FILIP1L: variants seen among roughly 807,000 people sequenced by gnomAD.
FILIP1L encodes filamin A interacting protein 1 like, also known as filamin A-interacting protein 1-like.
Under a neutral mutation model 96.6 loss-of-function variants are expected in FILIP1L, and 55 were observed. The observed-to-expected ratio is 0.57, with a 90% CI of 0.46 to 0.71. FILIP1L has a LOEUF of 0.71. Among genes scored for constraint, FILIP1L ranks in the 30% least tolerant of loss-of-function variants. The probability of loss-of-function intolerance (pLI) is 0.00; values close to 1 mark genes in which losing one functional copy is unlikely to be tolerated. For synonymous variants in FILIP1L, 467 were observed against 473.9 expected, an observed-to-expected ratio of 0.99 and a Z score of 0.19; for missense variants, 1,304 against 1,321.2, an observed-to-expected ratio of 0.99 and a Z score of 0.20.
At chr3:100,072,960 G>A (rs920787392) in intron 1 of FILIP1L, among the ~76,000 whole-genome samples, 5 of 152,298 alleles carry the variant, frequency 3.3e-5, no homozygotes, top group African/African-American at 9.6e-5. Flanking sequence ...AATGATGATA[G>A]CATATGTTTG....
intron 1 of FILIP1L, among the ~76,000 whole-genome samples, chr3:100,063,288 A>T (rs1029646868): frequency 2.0e-5 from 3 of 152,182 alleles, no homozygotes; most frequent in Non-Finnish European, 2.9e-5. Flanking sequence ...TAGAAATAAA[A>T]TTTTAACAGA....
chr3:100,019,279 C>A (rs891626217), intron 1 of FILIP1L, among the ~76,000 whole-genome samples: 1 of 152,120 alleles, frequency 6.6e-6, no homozygotes, highest in African/African-American at 2.4e-5. Context: ...AGGATCTCTT[C>A]AGCCCAGGAG....
intron 1 of FILIP1L, among the ~76,000 whole-genome samples, chr3:99,982,816 C>T (rs1272620526): frequency 6.6e-6 from 1 of 152,126 alleles, no homozygotes. Context: ...GACAATTGAA[C>T]AGCCCAACCC....
intron 1 of FILIP1L, among the ~76,000 whole-genome samples, chr3:100,034,664 C>T (rs571209825): frequency 3.5e-4 from 53 of 152,262 alleles, no homozygotes; most frequent in African/African-American, 1.3e-3. Context: ...TTAGGTAAGA[C>T]AGTGAGTTTA....
chr3:100,022,031 A>G (rs2064835383), intron 1 of FILIP1L, among the ~76,000 whole-genome samples: 1 of 151,484 alleles, frequency 6.6e-6, no homozygotes, highest in East Asian at 1.9e-4. Flanking sequence ...AGTTATACCC[A>G]TTTCCTTTTT....
rs932977160 is a variant in FILIP1L, at chr3:99,849,851, G to T, written c.1825C>A (p.Gln609Lys). 2 of 1,610,566 alleles carry T rather than the reference G, an allele frequency of 1.2e-6. No homozygotes were observed. Among genetic ancestry groups the T allele is most frequent in the African/African-American group, 1.3e-5 (1 of 74,574 alleles). The change falls in exon 5 of 6, where the codon CAA (glutamine) becomes AAA (lysine). Residue 609 changes from glutamine (Q) to lysine (K), a missense_variant. By Grantham distance (53) the Gln-to-Lys change is moderately conservative (BLOSUM62 1). Coordinates refer to ENST00000477258, the MANE Select transcript of FILIP1L (RefSeq NM_001387850.1). ...GCTGTTGTGGATTTCCCAGAGTCTT[G>T]ATTTAATTTGTTTTTTAGGAAATCT... Reference protein sequence around the residue: ...EKDFLKNKLNQDSGKSTTALH... With the variant: ...EKDFLKNKLNKDSGKSTTALH...
At chr3:100,094,851 T>G (rs932049518) in intron 1 of FILIP1L, among the ~76,000 whole-genome samples, 14 of 151,858 alleles carry the variant, frequency 9.2e-5, no homozygotes, top group African/African-American at 3.1e-4. Context: ...ACCTGGCAAT[T>G]TTGTGTGTGT....
intron 1 of FILIP1L, among the ~76,000 whole-genome samples, chr3:100,097,160 C>T (rs771668019): frequency 6.6e-6 from 1 of 152,240 alleles, no homozygotes; most frequent in Non-Finnish European, 1.5e-5. Context: ...ACTGCACATG[C>T]GAGAGATCTA....
chr3:99,851,544 T>C (rs377162956), intron 4 of FILIP1L, among the ~76,000 whole-genome samples: 5 of 152,378 alleles, frequency 3.3e-5, no homozygotes, highest in East Asian at 3.9e-4. Flanking sequence ...TCAGGGGCTT[T>C]TTATGAAAAT....
chr3:99,850,447 C>G lies in FILIP1L; in HGVS notation c.1229G>C (p.Ser410Thr), dbSNP rs752265612. ...TTCAACCTCTAGTTTAAAGTCTTTA[C>G]TCTGTAACGTCTCCCTTTCAAGCCT... ...NKRLERETLQSKDFKLEVEKL... is the reference protein window; with the variant it reads ...NKRLERETLQTKDFKLEVEKL... Residue 410 changes from serine to threonine, a missense_variant, in exon 5 of 6, where the codon AGT becomes ACT. Coordinates refer to ENST00000477258, the MANE Select transcript of FILIP1L (RefSeq NM_001387850.1). 2.5e-6 allele frequency: 4 copies of G among 1,614,024 alleles called. No homozygotes were observed. In the South Asian group the frequency reaches 4.4e-5, roughly 18 times the overall value.
intron 5 of FILIP1L, among the ~76,000 whole-genome samples, chr3:99,842,271 G>A (rs536151474): frequency 4.6e-5 from 7 of 152,274 alleles, no homozygotes; most frequent in African/African-American, 1.4e-4. Flanking sequence ...CTCATAAGGA[G>A]GAGCTAAGCT....
chr3:99,864,076 G>A (rs901277385), intron 4 of FILIP1L, among the ~76,000 whole-genome samples: 8 of 152,208 alleles, frequency 5.3e-5, no homozygotes, highest in African/African-American at 1.7e-4. Context: ...GAATTAATAT[G>A]TAGGAGGTAT....
At chr3:100,040,398 T>C (rs1015042651) in intron 1 of FILIP1L, 8 of 152,220 alleles carry the variant, frequency 5.3e-5, no homozygotes, top group Non-Finnish European at 1.2e-4. Context: ...TAGTTCCAGA[T>C]AATAGCATTC....
At chr3:100,070,941 T>C (rs1320235301) in intron 1 of FILIP1L, among the ~76,000 whole-genome samples, 1 of 152,214 alleles carries the variant, frequency 6.6e-6, no homozygotes, top group East Asian at 1.9e-4. Flanking sequence ...TGTGGTTTTC[T>C]TTGTGTATGA....
chr3:99,861,662 C>A (rs966615200), intron 4 of FILIP1L, among the ~76,000 whole-genome samples: 1 of 152,126 alleles, frequency 6.6e-6, no homozygotes, highest in Non-Finnish European at 1.5e-5. Context: ...CCCTATTACC[C>A]CCAGCAAGAG....
intron 1 of FILIP1L, among the ~76,000 whole-genome samples, chr3:100,010,701 A>G (rs548217012): frequency 7.2e-6 from 1 of 138,258 alleles, no homozygotes; most frequent in South Asian, 2.4e-4. Context: ...TGCAACTTCT[A>G]CCTCCCGGGT....
At chr3:99,968,328 A>G (rs1308808116) in intron 1 of FILIP1L, among the ~76,000 whole-genome samples, 1 of 152,140 alleles carries the variant, frequency 6.6e-6, no homozygotes, top group Non-Finnish European at 1.5e-5. Context: ...ACTTAGGGGT[A>G]CGAGTGAGAA....
intron 1 of FILIP1L, among the ~76,000 whole-genome samples, chr3:100,072,879 C>T (rs1236739327): frequency 6.6e-6 from 1 of 152,188 alleles, no homozygotes; most frequent in Non-Finnish European, 1.5e-5. Context: ...CCCACTTCCT[C>T]TAACTTGTCA....
intron 1 of FILIP1L, among the ~76,000 whole-genome samples, chr3:100,001,696 C>T (rs1709846870): frequency 6.6e-6 from 1 of 152,144 alleles, no homozygotes. Context: ...CCAAAAGAAA[C>T]AGTACACATT....
Sources: allele counts gnomAD v4.1 joint callset (sites outside exome capture counted in the v4.1 genomes callset), GRCh38; gene constraint gnomAD v4.1.1; transcripts MANE v1.5; gene names NCBI Gene and HGNC (gene_info 2026-07-23, HGNC 2026-07-21).